RNF13: variants seen among roughly 807,000 people sequenced by gnomAD.
The protein encoded by RNF13 is ring finger protein 13, also known as E3 ubiquitin-protein ligase RNF13.
Under a neutral mutation model 37.7 loss-of-function variants are expected in RNF13, and 19 were observed. The observed-to-expected ratio is 0.50, with a 90% CI of 0.35 to 0.74. The LOEUF is 0.74. Among genes scored for constraint, RNF13 ranks in the 30% least tolerant of loss-of-function variants. The pLI is 0.01. For synonymous variants in RNF13, 144 were observed against 157.8 expected (o/e 0.91, Z 0.65); for missense variants, 375 against 453.0 (o/e 0.83, Z 1.56).
chr3:149,894,769 G>T (rs1328644400), intron 4 of RNF13, among the ~76,000 whole-genome samples: 2 of 151,776 alleles, frequency 1.3e-5, no homozygotes, highest in East Asian at 3.9e-4. Context: ...CTTCATTTTT[G>T]CTAATAGTCT....
intron 1 of RNF13, among the ~76,000 whole-genome samples, chr3:149,831,007 G>A (rs2130320): frequency 0.3 from 45,997 of 152,226 alleles, 7,093 homozygotes; most frequent in Admixed American, 0.38. Flanking sequence ...GAGCTGCAAG[G>A]TGCACAGAAG....
At chr3:149,858,110 G>A (rs746420474) in intron 3 of RNF13, among the ~76,000 whole-genome samples, 2 of 152,162 alleles carry the variant, frequency 1.3e-5, no homozygotes, top group Non-Finnish European at 2.9e-5. Context: ...CTTCTCCTTT[G>A]GCCTTCTCCA....
intron 4 of RNF13, among the ~76,000 whole-genome samples, chr3:149,888,959 G>A (rs1714348301): frequency 6.6e-6 from 1 of 152,114 alleles, no homozygotes; most frequent in Non-Finnish European, 1.5e-5. Context: ...CTTTTTTTGA[G>A]ATGGAGTCTT....
chr3:149,910,810 C>T (rs1198712214), intron 6 of RNF13, among the ~76,000 whole-genome samples: 2 of 152,162 alleles, frequency 1.3e-5, no homozygotes, highest in African/African-American at 4.8e-5. Flanking sequence ...GAACATTATA[C>T]AAACTCTTCC....
chr3:149,845,277 TC>T (rs1166324270), intron 1 of RNF13, among the ~76,000 whole-genome samples: 1 of 152,194 alleles, frequency 6.6e-6, no homozygotes, highest in East Asian at 1.9e-4. Flanking sequence ...TAATGTTCGT[TC>T]TCACTTGTTT....
chr3:149,948,638 T>C (rs1310975154), intron 8 of RNF13, among the ~76,000 whole-genome samples: 1 of 152,236 alleles, frequency 6.6e-6, no homozygotes, highest in Non-Finnish European at 1.5e-5. Flanking sequence ...CCATGATCCT[T>C]GTCTCTCTGC....
At chr3:149,941,434 T>G (rs1248103024) in intron 8 of RNF13, among the ~76,000 whole-genome samples, 1 of 152,110 alleles carries the variant, frequency 6.6e-6, no homozygotes, top group African/African-American at 2.4e-5. Flanking sequence ...CCCTGATGAT[T>G]AGTGATGATG....
At chr3:149,897,066 CCTT>C (rs1715347083) in intron 5 of RNF13, among the ~76,000 whole-genome samples, 1 of 152,096 alleles carries the variant, frequency 6.6e-6, no homozygotes, top group African/African-American at 2.4e-5. Context: ...TTTTACTTCT[CCTT>C]TAACTATTTC....
chr3:149,838,387 C>G (rs1721846889), intron 1 of RNF13, among the ~76,000 whole-genome samples: 1 of 152,242 alleles, frequency 6.6e-6, no homozygotes, highest in Non-Finnish European at 1.5e-5. Context: ...ACTGCCCTAG[C>G]AAAGGTTCTC....
intron 1 of RNF13, among the ~76,000 whole-genome samples, chr3:149,821,283 A>G (rs1389202721): frequency 6.6e-6 from 1 of 152,134 alleles, no homozygotes; most frequent in Non-Finnish European, 1.5e-5. Flanking sequence ...TCCCACTGGC[A>G]ATGTGTGAGG....
At chr3:149,951,295 G>A in intron 8 of RNF13, among the ~76,000 whole-genome samples, 1 of 152,156 alleles carries the variant, frequency 6.6e-6, no homozygotes, top group East Asian at 1.9e-4. Context: ...TCTTCAAAAG[G>A]AATACTTTTC....
intron 1 of RNF13, among the ~76,000 whole-genome samples, chr3:149,845,426 G>A (rs1164086010): frequency 6.6e-6 from 1 of 152,126 alleles, no homozygotes; most frequent in Non-Finnish European, 1.5e-5. Flanking sequence ...GTTGGGAGAG[G>A]TAGTTATGCT....
chr3:149,885,559 C>T (rs751430573), intron 4 of RNF13, among the ~76,000 whole-genome samples: 3 of 152,192 alleles, frequency 2.0e-5, no homozygotes, highest in South Asian at 2.1e-4. Context: ...AAATCTTTTG[C>T]CCATTTATTA....
intron 8 of RNF13, among the ~76,000 whole-genome samples, chr3:149,940,667 CT>C (rs1720156184): frequency 6.6e-6 from 1 of 151,876 alleles, no homozygotes; most frequent in African/African-American, 2.4e-5. Context: ...TTTTCTTCAC[CT>C]TTTTTTGCTT....
chr3:149,914,740 T>C (rs988004609), intron 7 of RNF13, among the ~76,000 whole-genome samples: 1 of 151,902 alleles, frequency 6.6e-6, no homozygotes, highest in African/African-American at 2.4e-5. Context: ...GAGTTCAAGA[T>C]CAGCCTGGCC....
intron 4 of RNF13, among the ~76,000 whole-genome samples, chr3:149,881,641 C>A (rs1210452004): frequency 6.6e-6 from 1 of 152,116 alleles, no homozygotes; most frequent in African/African-American, 2.4e-5. Context: ...AACATAAGAT[C>A]TTTAATAATT....
chr3:149,881,677 T>A (rs1713426296), intron 4 of RNF13, among the ~76,000 whole-genome samples: 1 of 152,200 alleles, frequency 6.6e-6, no homozygotes, highest in African/African-American at 2.4e-5. Context: ...TTGGCTTCTG[T>A]TTTTTGGTAT....
chr3:149,947,635 G>A (rs1720896444), intron 8 of RNF13, among the ~76,000 whole-genome samples: 1 of 152,032 alleles, frequency 6.6e-6, no homozygotes, highest in East Asian at 1.9e-4. Flanking sequence ...CCTGACCTCT[G>A]GTGATCCGAC....
chr3:149,956,084 G>T (rs1485150908), intron 8 of RNF13, among the ~76,000 whole-genome samples: 26 of 152,098 alleles, frequency 1.7e-4, no homozygotes, highest in South Asian at 4.1e-4. Context: ...GACAGGATGT[G>T]GGGGTAGAGG....
Sources: allele counts gnomAD v4.1 joint callset (sites outside exome capture counted in the v4.1 genomes callset), GRCh38; gene constraint gnomAD v4.1.1; transcripts MANE v1.5; gene names NCBI Gene and HGNC (gene_info 2026-07-23, HGNC 2026-07-21).